CDH18: variants seen among roughly 807,000 people sequenced by gnomAD.
CDH18 encodes the protein cadherin 18, also known as cadherin-18.
CDH18 carries 31 observed loss-of-function variants against 67.9 expected under a neutral mutation model. The ratio of observed to expected loss-of-function variants is 0.46; its 90% CI spans 0.34 to 0.62. The LOEUF (loss-of-function observed/expected upper bound fraction) is 0.62. Ranked by LOEUF, CDH18 falls within the 20% of genes least tolerant of loss-of-function variation. CDH18 has a pLI of 0.01. For missense variants in CDH18, 890 were observed against 975.5 expected, an observed-to-expected ratio of 0.91 and a Z score of 1.17; for synonymous variants, 362 against 347.2, an observed-to-expected ratio of 1.04 and a Z score of -0.48.
intron 2 of CDH18, among the ~76,000 whole-genome samples, chr5:20,052,154 G>A (rs1193623065): frequency 6.6e-6 from 1 of 152,056 alleles, no homozygotes; most frequent in Non-Finnish European, 1.5e-5. Context: ...CACTGTAAAT[G>A]GTCTCACATT....
intron 5 of CDH18, among the ~76,000 whole-genome samples, chr5:19,650,672 C>A (rs966752527): frequency 6.6e-6 from 1 of 151,984 alleles, no homozygotes; most frequent in Non-Finnish European, 1.5e-5. Context: ...ATATACCATA[C>A]TGCCATGAAA....
At chr5:19,579,489 C>T (rs575096833) in intron 7 of CDH18, among the ~76,000 whole-genome samples, 2 of 151,554 alleles carry the variant, frequency 1.3e-5, no homozygotes, top group East Asian at 3.9e-4. Flanking sequence ...CACCTCCATT[C>T]TTATAAGTTT....
At chr5:19,713,767 T>C (rs1025918198) in intron 5 of CDH18, among the ~76,000 whole-genome samples, 2 of 152,148 alleles carry the variant, frequency 1.3e-5, no homozygotes, top group African/African-American at 4.8e-5. Context: ...AAACCTAATA[T>C]ACCTTTTGAT....
At chr5:19,742,505 T>C (rs1317711583) in intron 4 of CDH18, among the ~76,000 whole-genome samples, 1 of 152,112 alleles carries the variant, frequency 6.6e-6, no homozygotes, top group East Asian at 1.9e-4. Flanking sequence ...TTTTACCTTT[T>C]CTAACAGATA....
At chr5:19,880,737 T>A (rs1787552245) in intron 2 of CDH18, among the ~76,000 whole-genome samples, 1 of 152,156 alleles carries the variant, frequency 6.6e-6, no homozygotes, top group Non-Finnish European at 1.5e-5. Flanking sequence ...CATGAAGGCA[T>A]TTTTTAATGC....
At chr5:20,040,887 C>A (rs1253629181) in intron 2 of CDH18, among the ~76,000 whole-genome samples, 1 of 152,252 alleles carries the variant, frequency 6.6e-6, no homozygotes, top group South Asian at 2.1e-4. Flanking sequence ...AACATGATTA[C>A]CTTTCTATGA....
intron 3 of CDH18, among the ~76,000 whole-genome samples, chr5:19,835,657 T>C (rs1164088115): frequency 6.6e-6 from 1 of 152,152 alleles, no homozygotes; most frequent in Non-Finnish European, 1.5e-5. Flanking sequence ...TAGTTTTTAA[T>C]TTTTAGTTAA....
chr5:20,230,238 C>T (rs1226141026), intron 2 of CDH18, among the ~76,000 whole-genome samples: 1 of 152,116 alleles, frequency 6.6e-6, no homozygotes, highest in East Asian at 1.9e-4. Flanking sequence ...AGATCCACTA[C>T]CCCAGGAATC....
intron 4 of CDH18, among the ~76,000 whole-genome samples, chr5:19,725,854 G>A (rs914090380): frequency 2.0e-5 from 3 of 152,134 alleles, no homozygotes; most frequent in African/African-American, 7.2e-5. Context: ...CTGGGATTCG[G>A]GAAAGGGAAA....
chr5:20,390,553 G>A (rs571729843), intron 1 of CDH18, among the ~76,000 whole-genome samples: 2 of 152,264 alleles, frequency 1.3e-5, no homozygotes, highest in Non-Finnish European at 2.9e-5. Flanking sequence ...CTGTATACTA[G>A]TTCAATCATG....
intron 2 of CDH18, among the ~76,000 whole-genome samples, chr5:20,155,059 C>T (rs1031718847): frequency 6.6e-6 from 1 of 151,980 alleles, no homozygotes; most frequent in Non-Finnish European, 1.5e-5. Context: ...AGTTGATTAC[C>T]ATAAGAAAAA....
intron 4 of CDH18, among the ~76,000 whole-genome samples, chr5:19,728,906 T>C (rs1179825121): frequency 1.3e-5 from 2 of 152,198 alleles, no homozygotes; most frequent in Non-Finnish European, 2.9e-5. Flanking sequence ...TTTCATTCTA[T>C]ACAGGAGAAC....
intron 2 of CDH18, among the ~76,000 whole-genome samples, chr5:19,953,187 C>T (rs908805444): frequency 6.6e-6 from 1 of 151,730 alleles, no homozygotes. Flanking sequence ...GTCTAGAATA[C>T]CTATGGTGAA....
At chr5:20,564,172 T>G (rs1334569672) in intron 1 of CDH18, among the ~76,000 whole-genome samples, 1 of 152,044 alleles carries the variant, frequency 6.6e-6, no homozygotes. Flanking sequence ...ACCTTACATT[T>G]CAGCCATGGT....
intron 2 of CDH18, among the ~76,000 whole-genome samples, chr5:19,943,403 T>C (rs1036660621): frequency 2.6e-5 from 4 of 152,058 alleles, no homozygotes; most frequent in African/African-American, 7.2e-5. Context: ...TTCAAGGAGA[T>C]ATAGAAGGAA....
At chr5:19,565,234 G>T (rs1272231080) in intron 8 of CDH18, among the ~76,000 whole-genome samples, 2 of 152,126 alleles carry the variant, frequency 1.3e-5, no homozygotes, top group African/African-American at 2.4e-5. Flanking sequence ...AATGGTCTTG[G>T]GTGAGATCCA....
rs1056167354 is a variant in CDH18, at chr5:19,813,652, G to T, written c.228+25107C>A. ...GAAATTACAAAATTACAAGAATATTGACACTTGTAGTCATAGTAAACAATT... is the reference window on the plus strand; with the variant it reads ...GAAATTACAAAATTACAAGAATATTTACACTTGTAGTCATAGTAAACAATT... On this transcript the variant is annotated intron_variant, in intron 3 of 12. Coordinates refer to ENST00000382275, the MANE Select transcript of CDH18 (RefSeq NM_004934.5). Among the ~76,000 whole-genome samples, 3 of 151,992 alleles carry T rather than the reference G, an allele frequency of 2.0e-5. 1 individual carries two copies. The highest frequency in any genetic ancestry group is 7.2e-5 in the African/African-American group (3 of 41,400).
At chr5:20,190,401 T>C (rs1317081668) in intron 2 of CDH18, among the ~76,000 whole-genome samples, 1 of 152,134 alleles carries the variant, frequency 6.6e-6, no homozygotes, top group Admixed American at 6.6e-5. Context: ...TCTAGCTTGA[T>C]ATATTTAATA....
intron 2 of CDH18, among the ~76,000 whole-genome samples, chr5:19,907,857 A>G (rs1790694377): frequency 6.6e-6 from 1 of 152,070 alleles, no homozygotes; most frequent in Non-Finnish European, 1.5e-5. Flanking sequence ...ATAATTTTCA[A>G]TCAACTACTC....
Sources: gnomAD v4.1 joint callset for allele counts (sites outside exome capture counted in the v4.1 genomes callset) on GRCh38, gnomAD v4.1.1 for gene constraint, MANE v1.5 for transcripts, NCBI Gene and HGNC (gene_info 2026-07-23, HGNC 2026-07-21) for gene names.